Variants in TGFBR3 observed in about 807,000 individuals in gnomAD.
The protein encoded by TGFBR3 is transforming growth factor beta receptor type 3.
In TGFBR3, 46 loss-of-function variants were observed where a neutral mutation model predicts 87.9. The observed-to-expected ratio is 0.52, with a 90% CI of 0.41 to 0.67. The LOEUF is 0.67. TGFBR3 is among the 30% of genes least tolerant of loss of function. The pLI is 0.00. For synonymous variants in TGFBR3, 381 were observed against 391.6 expected, an observed-to-expected ratio of 0.97 and a Z score of 0.32; for missense variants, 866 against 1,041.9, an observed-to-expected ratio of 0.83 and a Z score of 2.32.
upstream of TGFBR3, among the ~76,000 whole-genome samples, chr1:91,888,187 T>A (rs575967275): frequency 6.6e-6 from 1 of 152,324 alleles, no homozygotes; most frequent in South Asian, 2.1e-4. Flanking sequence ...CCACGTGATA[T>A]GTGACTTGCT....
chr1:91,710,285 GA>G (rs929932143), intron 13 of TGFBR3, among the ~76,000 whole-genome samples: 1 of 152,122 alleles, frequency 6.6e-6, no homozygotes, highest in African/African-American at 2.4e-5. Flanking sequence ...CTCAAAAAGA[GA>G]AAAGCCTTTA....
chr1:91,708,636 G>A (rs1671880681), intron 14 of TGFBR3, 27 bp downstream of exon 14: 1 of 1,613,714 alleles, frequency 6.2e-7, no homozygotes, highest in African/African-American at 1.3e-5. Context: ...CAGGCCCCAT[G>A]CTCTGATCGT....
intron 2 of TGFBR3, among the ~76,000 whole-genome samples, chr1:91,831,801 C>G (rs1480457898): frequency 6.6e-6 from 1 of 152,276 alleles, no homozygotes; most frequent in East Asian, 1.9e-4. Flanking sequence ...AATTAATTAC[C>G]TCTATTTTTG....
At chr1:91,871,966 T>A (rs1678596380) in intron 1 of TGFBR3, among the ~76,000 whole-genome samples, 1 of 152,236 alleles carries the variant, frequency 6.6e-6, no homozygotes, top group Non-Finnish European at 1.5e-5. Flanking sequence ...TAGTATGTTG[T>A]TAGAATTCAG....
At chr1:91,724,543 C>T (rs2100794971) in intron 7 of TGFBR3, among the ~76,000 whole-genome samples, 1 of 152,308 alleles carries the variant, frequency 6.6e-6, no homozygotes, top group East Asian at 1.9e-4. Context: ...TTGCACCTTT[C>T]CAGATTAAAT....
intron 3 of TGFBR3, among the ~76,000 whole-genome samples, chr1:91,764,344 A>T (rs945855796): frequency 6.8e-6 from 1 of 146,140 alleles, no homozygotes; most frequent in Non-Finnish European, 1.5e-5. Context: ...AAAAAACCTA[A>T]AATGAAAGTC....
intron 16 of TGFBR3, among the ~76,000 whole-genome samples, chr1:91,684,127 G>T (rs1220604195): frequency 6.6e-6 from 1 of 152,182 alleles, no homozygotes; most frequent in Non-Finnish European, 1.5e-5. Flanking sequence ...GAGAGTTGAT[G>T]ACAAAGTCCC....
At chr1:91,802,079 A>AGACACAGTGTAGGAG (rs1675651342) in intron 2 of TGFBR3, among the ~76,000 whole-genome samples, 1 of 151,938 alleles carries the variant, frequency 6.6e-6, no homozygotes, top group Admixed American at 6.5e-5. Context: ...CAGTGTAGGA[A>AGACACAGTGTAGGAG]TCAGGGGAGA....
intron 1 of TGFBR3, among the ~76,000 whole-genome samples, chr1:91,905,437 T>C (rs1379729231): frequency 6.6e-6 from 1 of 152,164 alleles, no homozygotes; most frequent in Non-Finnish European, 1.5e-5. Flanking sequence ...TTTGTTTTTG[T>C]TTTTGTTTTT....
At chr1:91,822,725 G>A (rs1332692517) in intron 2 of TGFBR3, among the ~76,000 whole-genome samples, 1 of 151,988 alleles carries the variant, frequency 6.6e-6, no homozygotes, top group Non-Finnish European at 1.5e-5. Context: ...CTAGGAGTTC[G>A]AGACCAGCCT....
intron 2 of TGFBR3, among the ~76,000 whole-genome samples, chr1:91,837,517 T>C (rs1433649610): frequency 1.3e-5 from 2 of 152,118 alleles, no homozygotes; most frequent in African/African-American, 4.8e-5. Flanking sequence ...TGGGATTACA[T>C]GTGTGAGCCA....
At position 91,719,904 on chromosome 1, in the gene TGFBR3, CT is replaced by C; in HGVS notation, c.1401del (p.Asp468IlefsTer24). On this transcript the variant is annotated frameshift_variant, in exon 9 of 17. Transcript: ENST00000212355. LOFTEE classifies it high-confidence loss of function. ...DNEKMIVAVEKDSFQASGYSG... is the reference protein window; with the variant it reads ...DNEKMIVAVEXDSFQASGYSG... ...TCAGCTGCACCGACCTGAAAAGAAT[CT>C]TTTTCTACAGCCACGATCATCTTCT... 1 of 1,614,186 alleles carries C rather than the reference CT, an allele frequency of 6.2e-7. No homozygotes were observed. The highest frequency in any genetic ancestry group is 8.5e-7 in the Non-Finnish European group (1 of 1,180,026).
chr1:91,745,369 A>G (rs1673306250), intron 4 of TGFBR3, among the ~76,000 whole-genome samples: 1 of 152,270 alleles, frequency 6.6e-6, no homozygotes, highest in Admixed American at 6.5e-5. Context: ...CTGATATTTC[A>G]GAAACACCTG....
chr1:91,720,220 C>G lies in TGFBR3; in HGVS notation c.1086G>C (p.Met362Ile). ...HLRLENNAEE[M>I]GDEEVHTIPP... ...GAATAGTGTGGACTTCCTCATCTCC[C>G]ATCTCCTCTGCTGGTGAAAGAAGAA... is the stretch of plus-strand genomic sequence containing the variant. Residue 362 changes from methionine to isoleucine, a missense_variant, in exon 9 of 17, where the codon ATG becomes ATC. Met to Ile is a conservative substitution (Grantham distance 10). Coordinates refer to ENST00000212355, the MANE Select transcript of TGFBR3 (RefSeq NM_003243.5). 1 of 1,594,694 alleles carries G rather than the reference C, an allele frequency of 6.3e-7. No individual in the cohort carries two copies. The highest frequency in any genetic ancestry group is 8.5e-7 in the Non-Finnish European group (1 of 1,169,742).
chr1:91,873,494 C>T (rs1180496253), intron 1 of TGFBR3, among the ~76,000 whole-genome samples: 1 of 151,548 alleles, frequency 6.6e-6, no homozygotes, highest in Admixed American at 6.6e-5. Flanking sequence ...ACCATGTTGG[C>T]CAGGCTGCTC....
At chr1:91,725,684 C>T (rs1571445296) in intron 7 of TGFBR3, among the ~76,000 whole-genome samples, 1 of 152,194 alleles carries the variant, frequency 6.6e-6, no homozygotes, top group Non-Finnish European at 1.5e-5. Context: ...TATCATCATA[C>T]CCATTTCACA....
chr1:91,851,570 C>T (rs1360534727), intron 2 of TGFBR3, among the ~76,000 whole-genome samples: 1 of 152,196 alleles, frequency 6.6e-6, no homozygotes, highest in Non-Finnish European at 1.5e-5. Flanking sequence ...GATAAAGATA[C>T]CTCCAGAGTT....
At chr1:91,802,583 A>C (rs2101019998) in intron 2 of TGFBR3, among the ~76,000 whole-genome samples, 2 of 150,790 alleles carry the variant, frequency 1.3e-5, no homozygotes, top group East Asian at 2.0e-4. Context: ...CTGGTCTCGA[A>C]CTCCTGGCCT....
intron 3 of TGFBR3, among the ~76,000 whole-genome samples, chr1:91,765,724 G>A (rs1674156666): frequency 6.6e-6 from 1 of 152,178 alleles, no homozygotes; most frequent in Non-Finnish European, 1.5e-5. Context: ...TCTTCCTTAG[G>A]GATAGATAAC....
Sources: gnomAD v4.1 joint callset for allele counts (sites outside exome capture counted in the v4.1 genomes callset) on GRCh38, gnomAD v4.1.1 for gene constraint, MANE v1.5 for transcripts, NCBI Gene and HGNC (gene_info 2026-07-23, HGNC 2026-07-21) for gene names.